The following C4orf50 variants were observed in gnomAD, a reference collection of about 807,000 sequenced individuals.
C4orf50 encodes the protein chromosome 4 open reading frame 50.
C4orf50 carries 80 observed loss-of-function variants against 77.2 expected under a neutral mutation model. The observed-to-expected ratio is 1.04, with a 90% CI of 0.87 to 1.25. The LOEUF (loss-of-function observed/expected upper bound fraction) is 1.25, where lower values mean the gene tolerates loss of function less well. Ranked by LOEUF, C4orf50 falls within the 50% of genes most tolerant of loss-of-function variation. The pLI is 0.00. For missense variants in C4orf50, 1,257 were observed against 1,152.9 expected, an observed-to-expected ratio of 1.09 and a Z score of -1.31; for synonymous variants, 532 against 465.3, an observed-to-expected ratio of 1.14 and a Z score of -1.84.
chr4:6,004,238 A>T (rs937632425), intron 25 of C4orf50, among the ~76,000 whole-genome samples: 3 of 24,662 alleles, frequency 1.2e-4, no homozygotes, highest in African/African-American at 3.0e-4. Flanking sequence ...GATGGTGATG[A>T]TGATGGTGAT....
intron 28 of C4orf50, among the ~76,000 whole-genome samples, chr4:5,987,641 GAGA>G (rs1310199369): frequency 2.0e-5 from 3 of 151,782 alleles, no homozygotes; most frequent in East Asian, 3.9e-4. Context: ...CAGAAAGATG[GAGA>G]AGGAGACACA....
At chr4:6,006,679 T>C (rs1263299223) in intron 25 of C4orf50, among the ~76,000 whole-genome samples, 1 of 152,172 alleles carries the variant, frequency 6.6e-6, no homozygotes, top group Non-Finnish European at 1.5e-5. Flanking sequence ...TCAACACATG[T>C]CCAGCCTGCC....
intron 25 of C4orf50, among the ~76,000 whole-genome samples, chr4:6,003,026 GA>G (rs1721902555): frequency 6.6e-6 from 1 of 152,204 alleles, no homozygotes; most frequent in Non-Finnish European, 1.5e-5. Flanking sequence ...TCTTCTGCCA[GA>G]CAGGGGGCTT....
At chr4:5,939,079 C>T (rs543166826) in intron 7 of C4orf50, among the ~76,000 whole-genome samples, 11 of 152,068 alleles carry the variant, frequency 7.2e-5, no homozygotes, top group Admixed American at 6.6e-4. Flanking sequence ...CCATCTCTAC[C>T]AAAAATACAA....
chr4:5,928,363 TACACACACACACACATAC>T (rs1350387615), intron 7 of C4orf50, among the ~76,000 whole-genome samples: 1 of 146,452 alleles, frequency 6.8e-6, no homozygotes, highest in Non-Finnish European at 1.5e-5. Flanking sequence ...CACACACACA[TACACACACACACACATAC>T]ACACACACAC....
At chr4:5,909,244 C>A (rs1041910589) in intron 7 of C4orf50, among the ~76,000 whole-genome samples, 47 of 152,298 alleles carry the variant, frequency 3.1e-4, no homozygotes, top group African/African-American at 1.1e-3. Context: ...GACCTCCTTG[C>A]AGGCTGAGCA....
At chr4:5,988,851 G>A (rs560389442) in exon 28 of C4orf50, 3 of 1,535,962 alleles carry the variant, frequency 2.0e-6, no homozygotes, top group Admixed American at 2.0e-5. Flanking sequence ...CTTTATAACT[G>A]ACGCCAAGCT....
rs1721373646 is a variant in C4orf50, at chr4:5,992,928, G to A, written c.1096C>T (p.Gln366Ter). ...CAGGTGCAGGGCCCCTCTGGGGACTGGCCTGGAAAGCAACAAGACCCTGGG... is the reference window on the plus strand; with the variant it reads ...CAGGTGCAGGGCCCCTCTGGGGACTAGCCTGGAAAGCAACAAGACCCTGGG... Residue 366 changes from glutamine (Q) to a stop codon, truncating the protein, a stop_gained and splice_region_variant, in exon 27 of 34, where the codon CAG (glutamine) becomes TAG (stop). Coordinates refer to ENST00000531445, the Ensembl canonical transcript of C4orf50. LOFTEE classifies it high-confidence loss of function. This position sits in a 1 kb window ranked among gnomAD's most constrained non-coding sequence, Gnocchi z 5.0. 5.0e-6 allele frequency: 2 copies of A among 399,066 alleles called. No homozygotes were observed. Among genetic ancestry groups the A allele is most frequent in the South Asian group, 1.3e-4 (1 of 7,852 alleles). The allele number at this position is 399,066 out of a possible 1,614,324, so 24.7% of individuals were successfully genotyped here.
At chr4:5,940,959 T>C (rs886799269) in intron 7 of C4orf50, among the ~76,000 whole-genome samples, 3 of 152,146 alleles carry the variant, frequency 2.0e-5, no homozygotes, top group African/African-American at 7.2e-5. Flanking sequence ...CCTCCTAGAC[T>C]ACTCAGCCCC....
chr4:6,005,364 C>A (rs1184823386), intron 25 of C4orf50, among the ~76,000 whole-genome samples: 1 of 152,114 alleles, frequency 6.6e-6, no homozygotes, highest in African/African-American at 2.4e-5. Flanking sequence ...GGTGCAGTTC[C>A]CCTGGGCCAC....
At position 5,908,961 on chromosome 4, in the gene C4orf50, A is replaced by T. The variant is rs143013246; in HGVS notation, c.*2475-10773T>A. The stretch of plus-strand genomic sequence containing the variant: ...AATGGCCATTGTCCCAGCCCAGTCC[A>T]TGACTGCCTCTTAGCTGGACCACAG... On this transcript the variant is annotated intron_variant, in intron 7 of 7. Transcript: ENST00000324058. The surrounding 1 kb of genome is among the most constrained non-coding windows in gnomAD (Gnocchi z 5.6). Among the ~76,000 whole-genome samples, 1,258 of 152,292 alleles carry T rather than the reference A, an allele frequency of 8.3e-3. 18 individuals carry two copies. Among genetic ancestry groups the T allele is most frequent in the African/African-American group, 0.028 (1,173 of 41,562 alleles).
exon 29 of C4orf50, chr4:5,980,186 C>G (rs374654758): frequency 3.8e-6 from 6 of 1,597,652 alleles, no homozygotes; most frequent in Non-Finnish European, 1.7e-6. Context: ...TGGCCTGGAG[C>G]TCCTCCTGGA....
chr4:5,969,753 A>G (rs779693628), intron 31 of C4orf50, among the ~76,000 whole-genome samples: 13 of 152,166 alleles, frequency 8.5e-5, no homozygotes, highest in Non-Finnish European at 1.9e-4. Context: ...TGGCTTAGGT[A>G]CGTGAAGGGC....
At chr4:5,977,919 A>G (rs551785965) in intron 29 of C4orf50, among the ~76,000 whole-genome samples, 1 of 152,378 alleles carries the variant, frequency 6.6e-6, no homozygotes, top group Admixed American at 6.5e-5. Flanking sequence ...CAAATCATAT[A>G]TCTAATAAAG....
At chr4:5,922,700 C>A (rs1016338094) in intron 7 of C4orf50, among the ~76,000 whole-genome samples, 1 of 152,230 alleles carries the variant, frequency 6.6e-6, no homozygotes, top group Non-Finnish European at 1.5e-5. Flanking sequence ...GCTCCTGCAT[C>A]CATGGCAGTG....
At chr4:5,945,936 A>C (rs967424931) in intron 7 of C4orf50, among the ~76,000 whole-genome samples, 4 of 152,230 alleles carry the variant, frequency 2.6e-5, no homozygotes, top group Middle Eastern at 3.4e-3. Context: ...TCGGCCTCTG[A>C]CTTCCAGCTG....
exon 28 of C4orf50, chr4:5,989,277 C>G (rs917712094): frequency 3.4e-5 from 52 of 1,536,012 alleles, no homozygotes; most frequent in Non-Finnish European, 4.4e-5. Flanking sequence ...GAAACCTGCT[C>G]CTCACTCTCT....
chr4:5,925,684 C>G (rs1431884952), intron 7 of C4orf50, among the ~76,000 whole-genome samples: 1 of 152,262 alleles, frequency 6.6e-6, no homozygotes, highest in African/African-American at 2.4e-5. Context: ...CCTGTGGTCA[C>G]AGAAATGCCC....
chr4:6,003,654 T>C (rs952104915), intron 25 of C4orf50, among the ~76,000 whole-genome samples: 1 of 125,278 alleles, frequency 8.0e-6, no homozygotes, highest in African/African-American at 2.9e-5. Context: ...ATAGTGATGA[T>C]GGTGATGATG....
Sources: allele counts gnomAD v4.1 joint callset (sites outside exome capture counted in the v4.1 genomes callset), GRCh38; gene constraint gnomAD v4.1.1; non-coding constraint Gnocchi (gnomAD v3.1); transcripts MANE v1.5; gene names NCBI Gene and HGNC (gene_info 2026-07-23, HGNC 2026-07-21).